Variants in PDE8B observed in about 807,000 individuals in gnomAD.
PDE8B encodes high affinity cAMP-specific and IBMX-insensitive 3',5'-cyclic phosphodiesterase 8B.
Under a neutral mutation model 101.3 loss-of-function variants are expected in PDE8B, and 26 were observed. The observed-to-expected ratio is 0.26, with a 90% CI of 0.19 to 0.36. The LOEUF is 0.36. Ranked by LOEUF, PDE8B falls within the 10% of genes least tolerant of loss-of-function variation. The probability of loss-of-function intolerance (pLI) is 1.00; values close to 1 mark genes in which losing one functional copy is unlikely to be tolerated. For missense variants in PDE8B, 810 were observed against 1,163.1 expected (o/e 0.70, Z 4.42); for synonymous variants, 424 against 429.3 (o/e 0.99, Z 0.15).
At chr5:77,297,169 G>A (rs1768779242) in intron 1 of PDE8B, among the ~76,000 whole-genome samples, 1 of 152,164 alleles carries the variant, frequency 6.6e-6, no homozygotes, top group Non-Finnish European at 1.5e-5. Flanking sequence ...CCTCTCCTGT[G>A]ATAACTAACC....
intron 10 of PDE8B, among the ~76,000 whole-genome samples, chr5:77,357,393 G>A (rs1385988879): frequency 6.6e-6 from 1 of 152,206 alleles, no homozygotes; most frequent in Non-Finnish European, 1.5e-5. Context: ...ATGGGTTAAA[G>A]GAGATGGTCA....
At chr5:77,419,943 T>G in intron 19 of PDE8B, 56 bp downstream of exon 19, 5 of 1,595,282 alleles carry the variant, frequency 3.1e-6, no homozygotes, top group Non-Finnish European at 4.3e-6. Context: ...CATAAGAGCC[T>G]GCTCTGGCCC....
intron 6 of PDE8B, among the ~76,000 whole-genome samples, chr5:77,344,437 A>G (rs1396207865): frequency 6.6e-6 from 1 of 152,246 alleles, no homozygotes; most frequent in Non-Finnish European, 1.5e-5. Flanking sequence ...ATTTATAAGC[A>G]ACAGAAATGT....
intron 1 of PDE8B, chr5:77,290,917 G>A: frequency 6.2e-7 from 1 of 1,607,472 alleles, no homozygotes; most frequent in Non-Finnish European, 8.5e-7. Context: ...AAGCTGCTTG[G>A]TGCAATTTGT....
intron 1 of PDE8B, among the ~76,000 whole-genome samples, chr5:77,303,170 G>GTCC (rs1770361485): frequency 6.6e-6 from 1 of 152,068 alleles, no homozygotes; most frequent in South Asian, 2.1e-4. Flanking sequence ...CATTTATTTG[G>GTCC]AAATATCTAC....
intron 2 of PDE8B, 60 bp downstream of exon 2, chr5:77,312,113 T>C: frequency 7.6e-7 from 1 of 1,324,420 alleles, no homozygotes; most frequent in Non-Finnish European, 1.1e-6. Flanking sequence ...TTCTTTTTTT[T>C]TTTTTTTTGA....
At chr5:77,364,272 G>T (rs899415182) in intron 10 of PDE8B, among the ~76,000 whole-genome samples, 4 of 152,190 alleles carry the variant, frequency 2.6e-5, no homozygotes, top group African/African-American at 9.7e-5. Context: ...GAGGTATGCA[G>T]CCAACTGCAC....
In PDE8B at chr5:77,362,137, A is replaced by G. The variant is rs578161191; in HGVS notation, c.1167+8731A>G. 1.4e-3 allele frequency among the ~76,000 whole-genome samples: 219 copies of G among 152,346 alleles called. 1 individual carries two copies. The highest frequency in any genetic ancestry group is 5.0e-3 in the African/African-American group (210 of 41,592). ...AACTCTGCCATTGTAATGGGAAAGC[A>G]GCAATAGATGATATATAAATGATGG... On this transcript the variant is annotated intron_variant, in intron 10 of 21. Transcript: ENST00000264917.
At chr5:77,219,802 G>C (rs1179942310) in intron 1 of PDE8B, among the ~76,000 whole-genome samples, 1 of 152,138 alleles carries the variant, frequency 6.6e-6, no homozygotes, top group African/African-American at 2.4e-5. Flanking sequence ...GCCTTAGTTG[G>C]AACTAGAAGT....
the PDE8B span, among the ~76,000 whole-genome samples, chr5:77,143,570 C>T: frequency 6.6e-6 from 1 of 152,136 alleles, no homozygotes; most frequent in East Asian, 1.9e-4. Context: ...GGAAAGGAGC[C>T]AGGGGAGACA....
At chr5:77,409,909 T>A (rs1262135350) in intron 14 of PDE8B, among the ~76,000 whole-genome samples, 1 of 152,266 alleles carries the variant, frequency 6.6e-6, no homozygotes, top group Non-Finnish European at 1.5e-5. Flanking sequence ...TGTTTCTTTC[T>A]TGCCCCTGGG....
chr5:77,406,155 G>A (rs1042266264), intron 12 of PDE8B, among the ~76,000 whole-genome samples: 1 of 152,086 alleles, frequency 6.6e-6, no homozygotes, highest in Non-Finnish European at 1.5e-5. Context: ...GTGTGATGAC[G>A]CATGCCTTAA....
At chr5:77,101,149 T>C in the PDE8B span, among the ~76,000 whole-genome samples, 1 of 150,866 alleles carries the variant, frequency 6.6e-6, no homozygotes, top group Admixed American at 6.6e-5. Context: ...TTTTTTTTTT[T>C]TGGTAGAGGT....
chr5:77,415,542 A>G (rs1345745794), intron 17 of PDE8B, among the ~76,000 whole-genome samples: 2 of 151,958 alleles, frequency 1.3e-5, no homozygotes, highest in Non-Finnish European at 2.9e-5. Flanking sequence ...TATGTTTAGT[A>G]GAGATGGGGT....
intron 1 of PDE8B, among the ~76,000 whole-genome samples, chr5:77,298,413 AC>A (rs1769105546): frequency 6.6e-6 from 1 of 152,168 alleles, no homozygotes; most frequent in African/African-American, 2.4e-5. Context: ...GAATATTGTT[AC>A]CCACGTGACA....
At chr5:77,353,477 A>C in intron 10 of PDE8B, 71 bp downstream of exon 10, 6 of 867,324 alleles carry the variant, frequency 6.9e-6, no homozygotes, top group Non-Finnish European at 1.2e-5. Context: ...TGCTTATCTC[A>C]CCACTGTTCT....
At chr5:77,221,044 G>T (rs1197027654) in intron 1 of PDE8B, among the ~76,000 whole-genome samples, 1 of 152,112 alleles carries the variant, frequency 6.6e-6, no homozygotes, top group Non-Finnish European at 1.5e-5. Flanking sequence ...CTTATTTTCT[G>T]TTTCATCTAC....
the PDE8B span, among the ~76,000 whole-genome samples, chr5:77,204,526 G>A: frequency 6.6e-6 from 1 of 152,092 alleles, no homozygotes; most frequent in Admixed American, 6.6e-5. Flanking sequence ...CCTTAAGGGC[G>A]GTAGAACCTA....
At chr5:77,341,261 G>T (rs1052346186) in intron 6 of PDE8B, among the ~76,000 whole-genome samples, 1 of 152,098 alleles carries the variant, frequency 6.6e-6, no homozygotes. Context: ...TGTTTGTTGT[G>T]GGGGGCAGGG....
Sources: allele counts gnomAD v4.1 joint callset (sites outside exome capture counted in the v4.1 genomes callset), GRCh38; gene constraint gnomAD v4.1.1; transcripts MANE v1.5; gene names NCBI Gene and HGNC (gene_info 2026-07-23, HGNC 2026-07-21).